Variants in GABRG1 observed in about 807,000 individuals in gnomAD.
GABRG1 encodes the protein gamma-aminobutyric acid receptor subunit gamma-1.
In GABRG1, 49 loss-of-function variants were observed where a neutral mutation model predicts 49.8. The observed-to-expected ratio is 0.98, with a 90% CI of 0.78 to 1.25. GABRG1 has a LOEUF of 1.25. GABRG1 is among the 50% of genes most tolerant of loss of function. GABRG1 has a pLI of 0.00. For synonymous variants in GABRG1, 232 were observed against 185.1 expected (o/e 1.25, Z -2.06); for missense variants, 552 against 552.3 (o/e 1.00, Z 0.01).
intron 1 of GABRG1, among the ~76,000 whole-genome samples, chr4:46,104,873 T>C (rs962390352): frequency 3.3e-5 from 5 of 151,446 alleles, no homozygotes; most frequent in Admixed American, 6.6e-5. Context: ...CTTTTAATGG[T>C]AATGTGGGAT....
chr4:46,056,151 T>TAAAAAAAAAAAAAAAAAAAAAAAAAAAAA (rs1182116080), intron 7 of GABRG1, among the ~76,000 whole-genome samples: 1 of 9,144 alleles, frequency 1.1e-4, no homozygotes, highest in Non-Finnish European at 1.6e-4. Context: ...ATAAATAAAT[T>TAAAAAAAAAAAAAAAAAAAAAAAAAAAAA]AAAAAAAAAA....
intron 1 of GABRG1, among the ~76,000 whole-genome samples, chr4:46,121,309 G>T (rs545454657): frequency 1.3e-5 from 2 of 151,900 alleles, no homozygotes; most frequent in East Asian, 3.9e-4. Context: ...AAAGGGAAAG[G>T]GAGAGAGAAA....
chr4:46,084,068 C>T lies in GABRG1; in HGVS notation c.254-15G>A, dbSNP rs779150647. ...TGTGGGCCTCACTGCAAAATATCAA[C>T]AAAAAGAAAGGTCAAAGATATGATT... is the stretch of plus-strand genomic sequence containing the variant. On this transcript the variant is annotated splice_polypyrimidine_tract_variant and intron_variant, in intron 2 of 8. Transcript: ENST00000295452. The T allele has an allele frequency of 6.7e-7, 1 of 1,497,720 alleles. No individual in the cohort carries two copies. Among genetic ancestry groups the T allele is most frequent in the Non-Finnish European group, 9.2e-7 (1 of 1,086,368 alleles). 92.8% of individuals were successfully genotyped at this position (1,497,720 alleles called of 1,614,324 possible).
chr4:46,049,829 C>T (rs1257945866), intron 8 of GABRG1, among the ~76,000 whole-genome samples: 1 of 151,966 alleles, frequency 6.6e-6, no homozygotes, highest in East Asian at 1.9e-4. Context: ...TGATTAGCTA[C>T]CATCCTAGAG....
At chr4:46,086,640 A>T (rs1340326185) in intron 2 of GABRG1, among the ~76,000 whole-genome samples, 1 of 151,566 alleles carries the variant, frequency 6.6e-6, no homozygotes, top group Non-Finnish European at 1.5e-5. Flanking sequence ...CAGTTATCAC[A>T]CATAATTTTT....
At chr4:46,074,172 A>T (rs1431748749) in intron 3 of GABRG1, among the ~76,000 whole-genome samples, 1 of 152,156 alleles carries the variant, frequency 6.6e-6, no homozygotes, top group Non-Finnish European at 1.5e-5. Flanking sequence ...AGCTAGATTA[A>T]TTGCTGTATG....
chr4:46,093,268 C>T (rs6447497), intron 2 of GABRG1, among the ~76,000 whole-genome samples: 92,877 of 151,594 alleles, frequency 0.61, 30,293 homozygotes, highest in African/African-American at 0.84. Flanking sequence ...GTACCATTCA[C>T]CCACAAAAAA....
intron 1 of GABRG1, among the ~76,000 whole-genome samples, chr4:46,101,891 T>C (rs1227122915): frequency 1.3e-5 from 2 of 151,664 alleles, no homozygotes; most frequent in African/African-American, 2.4e-5. Flanking sequence ...ATGTATAAAG[T>C]AGCTTAAAAG....
intron 1 of GABRG1, among the ~76,000 whole-genome samples, chr4:46,118,273 T>TCTATCTAC (rs1279998769): frequency 6.7e-6 from 1 of 148,470 alleles, no homozygotes; most frequent in African/African-American, 2.5e-5. Context: ...TATCTATCTA[T>TCTATCTAC]CTATCTACCT....
chr4:46,065,645 A>G, intron 3 of GABRG1, 61 bp from the exon 4 acceptor site: 2 of 809,966 alleles, frequency 2.5e-6, no homozygotes, highest in Non-Finnish European at 1.9e-6. Context: ...GTTTTTCTCG[A>G]AAGTTTGAAT....
chr4:46,063,659 CA>C (rs1406335457), intron 5 of GABRG1, among the ~76,000 whole-genome samples: 2 of 152,068 alleles, frequency 1.3e-5, no homozygotes, highest in Admixed American at 1.3e-4. Flanking sequence ...GCAATGGCAA[CA>C]AAAGCCAAAA....
chr4:46,069,227 TTTGA>T (rs954229267), intron 3 of GABRG1, among the ~76,000 whole-genome samples: 11 of 152,032 alleles, frequency 7.2e-5, no homozygotes, highest in African/African-American at 2.7e-4. Context: ...CATCATAAAA[TTTGA>T]TTGATCCTGA....
In GABRG1 at chr4:46,076,362, CATATATATATAT is replaced by C. The variant is rs1203391424; in HGVS notation, c.321+7612_321+7623del. ...ACCTAAATTTATCTTAGGTCATGTT[CATATATATATAT>C]ATATATATATATATATATATATATA... On this transcript the variant is annotated intron_variant, in intron 3 of 8. Coordinates refer to ENST00000295452, the MANE Select transcript of GABRG1 (RefSeq NM_173536.4). 5.8e-4 allele frequency among the ~76,000 whole-genome samples: 46 copies of C among 78,710 alleles called. 1 individual carries two copies. Among genetic ancestry groups the C allele is most frequent in the Admixed American group, 5.3e-3 (33 of 6,206 alleles). The allele number at this position is 78,710 out of a possible 152,430, so 51.6% of individuals were successfully genotyped here. A position where few individuals can be genotyped will look rare whatever the true frequency, so the allele number is the denominator to read the frequency against.
chr4:46,079,809 C>A (rs78450532), intron 3 of GABRG1, among the ~76,000 whole-genome samples: 1 of 151,970 alleles, frequency 6.6e-6, no homozygotes, highest in South Asian at 2.1e-4. Flanking sequence ...GGGTACCCAA[C>A]ACCGTGAGAT....
chr4:46,090,307 G>T (rs1242521940), intron 2 of GABRG1, among the ~76,000 whole-genome samples: 1 of 151,974 alleles, frequency 6.6e-6, no homozygotes, highest in Admixed American at 6.6e-5. Flanking sequence ...TAAAATTTGA[G>T]CATTCATAGC....
chr4:46,064,931 T>C (rs1718850003), intron 4 of GABRG1, among the ~76,000 whole-genome samples: 1 of 152,152 alleles, frequency 6.6e-6, no homozygotes, highest in African/African-American at 2.4e-5. Flanking sequence ...AGCAGATATG[T>C]TTAAGTCAAT....
At chr4:46,116,044 T>C (rs2109444227) in intron 1 of GABRG1, among the ~76,000 whole-genome samples, 1 of 151,016 alleles carries the variant, frequency 6.6e-6, no homozygotes, top group African/African-American at 2.4e-5. Context: ...GAATAAATAC[T>C]ACAAATAAAA....
At position 46,119,145 on chromosome 4, in the gene GABRG1, A is replaced by G. The variant is rs540812492; in HGVS notation, c.104+4665T>C. ...TCTGCGTCAAGTACTTCAGTGTGTC[A>G]AAATTTTCTTTAAAATAATCTGGCA... On this transcript the variant is annotated intron_variant, in intron 1 of 8. Transcript: ENST00000295452. Among the ~76,000 whole-genome samples, 495 of 151,270 alleles carry G rather than the reference A, an allele frequency of 3.3e-3. 1 individual carries two copies. Among genetic ancestry groups the G allele is most frequent in the Non-Finnish European group, 6.1e-3 (411 of 67,418 alleles).
intron 2 of GABRG1, among the ~76,000 whole-genome samples, chr4:46,095,870 G>A (rs776930538): frequency 2.6e-5 from 4 of 151,660 alleles, no homozygotes; most frequent in South Asian, 2.1e-4. Context: ...GGTTTGTTAC[G>A]TAAGTGAATT....
Sources: allele counts gnomAD v4.1 joint callset (sites outside exome capture counted in the v4.1 genomes callset), GRCh38; gene constraint gnomAD v4.1.1; transcripts MANE v1.5; gene names NCBI Gene and HGNC (gene_info 2026-07-23, HGNC 2026-07-21).